The following GNB5 variants were observed in gnomAD, a reference collection of about 807,000 sequenced individuals.
GNB5 encodes the protein G protein subunit beta 5.
Under a neutral mutation model 55.3 loss-of-function variants are expected in GNB5, and 37 were observed. The observed-to-expected ratio is 0.67, with a 90% CI of 0.51 to 0.88. The LOEUF (loss-of-function observed/expected upper bound fraction) is 0.88, where lower values mean the gene tolerates loss of function less well. Ranked by LOEUF, GNB5 falls within the 40% of genes least tolerant of loss-of-function variation. GNB5 has a pLI of 0.00. For synonymous variants in GNB5, 219 were observed against 198.5 expected (o/e 1.10, Z -0.87); for missense variants, 476 against 515.3 (o/e 0.92, Z 0.74).
At chr15:52,176,830 C>T (rs971611034) in intron 3 of GNB5, among the ~76,000 whole-genome samples, 1 of 152,116 alleles carries the variant, frequency 6.6e-6, no homozygotes, top group African/African-American at 2.4e-5. Flanking sequence ...CAAAACCCTC[C>T]AAGGGTTTCC....
chr15:52,153,210 T>C (rs1367120920), intron 4 of GNB5, among the ~76,000 whole-genome samples: 1 of 152,232 alleles, frequency 6.6e-6, no homozygotes, highest in Non-Finnish European at 1.5e-5. Context: ...TCACTCGCTC[T>C]GGGAGAGGCC....
chr15:52,158,671 T>G (rs1468708157), intron 3 of GNB5, among the ~76,000 whole-genome samples: 5 of 152,022 alleles, frequency 3.3e-5, no homozygotes, highest in Admixed American at 6.6e-5. Context: ...TAAAGTTCCT[T>G]TTTTTTCTTT....
At chr15:52,153,545 G>A (rs907478164) in intron 4 of GNB5, among the ~76,000 whole-genome samples, 10 of 152,078 alleles carry the variant, frequency 6.6e-5, no homozygotes, top group African/African-American at 2.4e-4. Context: ...TATTTTACAA[G>A]ATCTGTATCT....
intron 1 of GNB5, among the ~76,000 whole-genome samples, chr15:52,185,606 CAA>C (rs1390306282): frequency 1.3e-5 from 2 of 152,014 alleles, no homozygotes; most frequent in African/African-American, 2.4e-5. Context: ...ACGGTTCAGA[CAA>C]GACGCGAGGA....
Position 52,136,100 on chromosome 15 carries a change from G to C in GNB5, c.628-344C>G, listed in dbSNP as rs113577988. ...ACACACACACACACACACACACACA[G>C]GGAAAAGCAGAAAACACACACACAC... is the stretch of plus-strand genomic sequence containing the variant. On this transcript the variant is annotated intron_variant, in intron 7 of 12. Transcript: ENST00000261837. 1.0e-3 allele frequency among the ~76,000 whole-genome samples: 65 copies of C among 65,230 alleles called. 1 individual carries two copies. The highest frequency in any genetic ancestry group is 3.2e-3 in the Admixed American group (15 of 4,686). The allele number at this position is 65,230 out of a possible 152,430, so 42.8% of individuals were successfully genotyped here. A position where few individuals can be genotyped will look rare whatever the true frequency, so the allele number is the denominator to read the frequency against.
In GNB5 at chr15:52,179,804, G is replaced by C. The variant is rs767261439; in HGVS notation, c.202C>G (p.Leu68Val). The C allele has an allele frequency of 6.5e-7, 1 of 1,544,608 alleles. No individual in the cohort carries two copies. Residue 68 changes from leucine to valine, a missense_variant, in exon 3 of 13, where the codon CTG (leucine) becomes GTG (valine). Physicochemically the swap from Leu to Val is conservative, Grantham distance 32. Transcript: ENST00000261837. ...TGCAGCTTGGCTCGCTCCTCCTCCA[G>C]CTTGCCCTTGAGGCTCTCGGCCTCG... ...KSEAESLKGK[L>V]EEERAKLHDV...
At chr15:52,128,955 T>A (rs895385090) in intron 9 of GNB5, among the ~76,000 whole-genome samples, 1 of 63,750 alleles carries the variant, frequency 1.6e-5, no homozygotes, top group Non-Finnish European at 2.4e-5. Flanking sequence ...TTGTTTCTCC[T>A]TTTTTTTTTT....
At chr15:52,172,750 A>G (rs943494158) in intron 3 of GNB5, among the ~76,000 whole-genome samples, 4 of 152,150 alleles carry the variant, frequency 2.6e-5, no homozygotes, top group African/African-American at 7.2e-5. Context: ...TGTGTGACAG[A>G]GTGAGAACCT....
chr15:52,179,776 T>A lies in GNB5; in HGVS notation c.230A>T (p.Asp77Val). Residue 77 changes from aspartate to valine, a missense_variant, in exon 3 of 13, where the codon GAT becomes GTT. By Grantham distance (152) the Asp-to-Val change is radical. Coordinates refer to ENST00000261837, the MANE Select transcript of GNB5 (RefSeq NM_016194.4). Reference protein sequence around the residue: ...KLEEERAKLHDVELHQVAERV... With the variant: ...KLEEERAKLHVVELHQVAERV... ...TCCCGGCCCGCACTCACGCTCCACA[T>A]CGTGCAGCTTGGCTCGCTCCTCCTC... The A allele has an allele frequency of 6.9e-7, 1 of 1,440,300 alleles. No homozygotes were observed. Among genetic ancestry groups the A allele is most frequent in the Non-Finnish European group, 9.2e-7 (1 of 1,085,512 alleles). The allele number at this position is 1,440,300 out of a possible 1,614,324, so 89.2% of individuals were successfully genotyped here. A position where few individuals can be genotyped will look rare whatever the true frequency, so the allele number is the denominator to read the frequency against.
intron 2 of GNB5, 82 bp downstream of exon 2, chr15:52,184,469 T>C (rs1375643510): frequency 1.7e-6 from 2 of 1,200,792 alleles, no homozygotes; most frequent in African/African-American, 1.5e-5. Flanking sequence ...TATAAGCTGA[T>C]TCTATGGCAT....
rs1412511447 is a variant in GNB5 at position 52,119,425 on chromosome 15, AGGAGGAGGAGATGGGAGGGAG to A, written c.*3311_*3331del. The A allele has an allele frequency of 1.8e-4, 4 of 22,038 alleles. No individual in the cohort carries two copies. The highest frequency in any genetic ancestry group is 1.9e-3 in the East Asian group (1 of 528). 1.4% of individuals were successfully genotyped at this position (22,038 alleles called of 1,614,324 possible). A position where few individuals can be genotyped will look rare whatever the true frequency, so the allele number is the denominator to read the frequency against. ...AGATGGGAGGGAGGAGATGGGAGGG[AGGAGGAGGAGATGGGAGGGAG>A]GGAGGAGGAGATGGGAGGGAGGGAG... On this transcript the variant is annotated 3_prime_UTR_variant, in exon 13 of 13. Coordinates refer to ENST00000261837, the MANE Select transcript of GNB5 (RefSeq NM_016194.4).
chr15:52,153,095 G>T (rs1349566154), intron 4 of GNB5, among the ~76,000 whole-genome samples: 1 of 152,138 alleles, frequency 6.6e-6, no homozygotes, highest in African/African-American at 2.4e-5. Flanking sequence ...TGTGTATCAG[G>T]GTTGTTCTGT....
chr15:52,179,350 G>T (rs67725996), intron 3 of GNB5, among the ~76,000 whole-genome samples: 28,921 of 151,926 alleles, frequency 0.19, 3,051 homozygotes, highest in Admixed American at 0.3. Flanking sequence ...AGCCAGACGG[G>T]CATTAAAAAA....
Position 52,179,893 on chromosome 15 carries a change from CGCAGCGGAGAGG to C in GNB5, c.127-26_127-15del, listed in dbSNP as rs2034735475. The C allele has an allele frequency of 3.1e-5, 47 of 1,518,934 alleles. No homozygotes were observed. The highest frequency in any genetic ancestry group is 4.1e-5 in the Non-Finnish European group (46 of 1,132,990). 94.1% of individuals were successfully genotyped at this position (1,518,934 alleles called of 1,614,324 possible). On this transcript the variant is annotated splice_polypyrimidine_tract_variant and intron_variant, in intron 2 of 12. Transcript: ENST00000261837. ...CTCGGTTGCCATCTTCGCGCGGGGA[CGCAGCGGAGAGG>C]GAAGCGGAGAGCGGGAATGCGCTGA...
chr15:52,123,057 G>C (rs951212969), intron 12 of GNB5, among the ~76,000 whole-genome samples: 2 of 152,028 alleles, frequency 1.3e-5, no homozygotes, highest in African/African-American at 4.8e-5. Context: ...TACGGGCCTA[G>C]CTACTCTTCC....
rs1428035264 is a variant in GNB5, at chr15:52,187,756, CTG to C, written c.-18-3064_-18-3063del. 5.9e-5 allele frequency among the ~76,000 whole-genome samples: 9 copies of C among 152,196 alleles called. No individual in the cohort carries two copies. The East Asian group carries it at 1.7e-3, about 29-fold the overall frequency. On this transcript the variant is annotated intron_variant, in intron 1 of 12. Transcript: ENST00000261837. ...TTGAGGCCAGGAATTTGAGACCAGC[CTG>C]GCCAACATAAGGAAACCTCATCTCT...
At chr15:52,189,791 A>G (rs1320279543) in intron 1 of GNB5, among the ~76,000 whole-genome samples, 1 of 152,166 alleles carries the variant, frequency 6.6e-6, no homozygotes, top group Non-Finnish European at 1.5e-5. Flanking sequence ...TAAAAACGCT[A>G]TCCTATGACA....
chr15:52,123,113 C>T (rs2033316709), intron 12 of GNB5, among the ~76,000 whole-genome samples: 1 of 152,198 alleles, frequency 6.6e-6, no homozygotes. Context: ...TCACCATATA[C>T]ATTAACATGA....
intron 7 of GNB5, chr15:52,139,484 A>G (rs2033802032): frequency 6.4e-6 from 1 of 157,158 alleles, no homozygotes; most frequent in South Asian, 1.8e-4. Flanking sequence ...CAAACAAATA[A>G]TAAGAGTTAA....
Sources: allele counts gnomAD v4.1 joint callset (sites outside exome capture counted in the v4.1 genomes callset), GRCh38; gene constraint gnomAD v4.1.1; transcripts MANE v1.5; gene names NCBI Gene and HGNC (gene_info 2026-07-23, HGNC 2026-07-21).